ERC2: variants seen among roughly 807,000 people sequenced by gnomAD.
ERC2 encodes ERC protein 2.
A neutral mutation model predicts 114.8 loss-of-function variants in ERC2; 42 were observed. The observed-to-expected ratio is 0.37, with a 90% CI of 0.29 to 0.47. The LOEUF is 0.47. Ranked by LOEUF, ERC2 falls within the 20% of genes least tolerant of loss-of-function variation. ERC2 has a pLI of 0.99. For synonymous variants in ERC2, 454 were observed against 425.5 expected, an observed-to-expected ratio of 1.07 and a Z score of -0.82; for missense variants, 939 against 1,150.7, an observed-to-expected ratio of 0.82 and a Z score of 2.66.
chr3:55,835,423 T>C (rs62251594), intron 14 of ERC2, among the ~76,000 whole-genome samples: 27,138 of 152,018 alleles, frequency 0.18, 3,570 homozygotes, highest in African/African-American at 0.37. Flanking sequence ...TGGGCTTCAT[T>C]CCTGGGATGC....
At chr3:55,989,046 C>T (rs904167711) in intron 11 of ERC2, among the ~76,000 whole-genome samples, 1 of 152,200 alleles carries the variant, frequency 6.6e-6, no homozygotes, top group African/African-American at 2.4e-5. Context: ...GGGGCCTGGG[C>T]TGGGGCTGAA....
intron 15 of ERC2, among the ~76,000 whole-genome samples, chr3:55,709,866 G>A (rs919294241): frequency 1.3e-5 from 2 of 152,176 alleles, no homozygotes; most frequent in South Asian, 4.1e-4. Context: ...GAGGGAGAAC[G>A]AGACAGGGAG....
At chr3:56,340,542 ATGTGTGTGTGTGTGTG>A (rs10690369) in intron 2 of ERC2, among the ~76,000 whole-genome samples, 4 of 141,414 alleles carry the variant, frequency 2.8e-5, no homozygotes, top group Admixed American at 7.1e-5. Context: ...GAGAGAGTGA[ATGTGTGTGTGTGTGTG>A]TGTGTGTGTG....
At chr3:55,801,903 C>G (rs1020152034) in intron 14 of ERC2, among the ~76,000 whole-genome samples, 4 of 152,254 alleles carry the variant, frequency 2.6e-5, no homozygotes, top group Non-Finnish European at 5.9e-5. Flanking sequence ...ACTGGGAGCC[C>G]TGCTCCCAGA....
intron 2 of ERC2, among the ~76,000 whole-genome samples, chr3:56,349,231 C>T (rs1010057273): frequency 2.6e-5 from 4 of 152,096 alleles, no homozygotes; most frequent in African/African-American, 9.7e-5. Flanking sequence ...AAAATGGTGA[C>T]AACGAAATTA....
At chr3:56,356,894 A>G (rs371603391) in intron 2 of ERC2, among the ~76,000 whole-genome samples, 4 of 152,306 alleles carry the variant, frequency 2.6e-5, no homozygotes, top group Non-Finnish European at 5.9e-5. Context: ...TGATGAGCAA[A>G]CTGAGACTCT....
At chr3:55,959,980 T>C (rs1393903517) in intron 12 of ERC2, among the ~76,000 whole-genome samples, 1 of 152,094 alleles carries the variant, frequency 6.6e-6, no homozygotes, top group Non-Finnish European at 1.5e-5. Context: ...ACCTGGTGCC[T>C]CAAAGCCCTG....
chr3:56,234,211 C>A (rs2150184870), intron 3 of ERC2, among the ~76,000 whole-genome samples: 1 of 152,300 alleles, frequency 6.6e-6, no homozygotes, highest in East Asian at 1.9e-4. Context: ...AGAGTAGCAG[C>A]ATGAAATAAA....
At chr3:56,033,719 T>G (rs985880995) in intron 7 of ERC2, among the ~76,000 whole-genome samples, 2 of 152,218 alleles carry the variant, frequency 1.3e-5, no homozygotes, top group Admixed American at 1.3e-4. Flanking sequence ...ACAAGATTTC[T>G]CTCATGTAAG....
chr3:55,987,008 A>AAAAAC (rs1382844995), intron 11 of ERC2, among the ~76,000 whole-genome samples: 1 of 152,158 alleles, frequency 6.6e-6, no homozygotes, highest in Non-Finnish European at 1.5e-5. Flanking sequence ...CATGGGAAGG[A>AAAAAC]AAAACAAAAC....
At chr3:55,670,209 C>G (rs747629510) in intron 17 of ERC2, among the ~76,000 whole-genome samples, 2 of 152,142 alleles carry the variant, frequency 1.3e-5, no homozygotes, top group Non-Finnish European at 2.9e-5. Flanking sequence ...AGGGACAGAT[C>G]TGGAATGCAG....
intron 1 of ERC2, among the ~76,000 whole-genome samples, chr3:56,457,557 A>C (rs561973780): frequency 2.5e-4 from 38 of 152,134 alleles, no homozygotes; most frequent in African/African-American, 8.9e-4. Context: ...AGAGTCCTTG[A>C]TCGTATCCGT....
At chr3:55,608,261 A>G (rs368924081) in intron 17 of ERC2, among the ~76,000 whole-genome samples, 129 of 152,352 alleles carry the variant, frequency 8.5e-4, no homozygotes, top group African/African-American at 3.0e-3. Context: ...AAGCAGAGCA[A>G]GCGGCGTTTT....
intron 14 of ERC2, among the ~76,000 whole-genome samples, chr3:55,868,515 A>G (rs571817563): frequency 6.6e-6 from 1 of 152,254 alleles, no homozygotes; most frequent in African/African-American, 2.4e-5. Context: ...CTCTGGTAGC[A>G]GAAGCTGGCT....
chr3:56,160,979 A>G (rs1165829125), intron 4 of ERC2, among the ~76,000 whole-genome samples: 2 of 152,156 alleles, frequency 1.3e-5, no homozygotes, highest in Non-Finnish European at 2.9e-5. Flanking sequence ...TCCAAATCTT[A>G]TGTTGAAATA....
chr3:56,037,269 T>G (rs1417660802), intron 7 of ERC2, among the ~76,000 whole-genome samples: 1 of 152,188 alleles, frequency 6.6e-6, no homozygotes, highest in East Asian at 1.9e-4. Flanking sequence ...TAAAGGAGTA[T>G]GTTCTAACCC....
At chr3:56,034,183 TATATC>T (rs1246995310) in intron 7 of ERC2, among the ~76,000 whole-genome samples, 24 of 152,254 alleles carry the variant, frequency 1.6e-4, no homozygotes, top group African/African-American at 5.1e-4. Flanking sequence ...TGACTATACT[TATATC>T]AGACAAAAGA....
intron 13 of ERC2, among the ~76,000 whole-genome samples, chr3:55,892,864 T>A (rs79822190): frequency 0.015 from 2,340 of 152,222 alleles, 63 homozygotes; most frequent in African/African-American, 0.053. Flanking sequence ...AACTGATGCT[T>A]CTCTTAGTGT....
chr3:55,872,330 G>T (rs1253095936), intron 14 of ERC2, among the ~76,000 whole-genome samples: 1 of 152,110 alleles, frequency 6.6e-6, no homozygotes, highest in African/African-American at 2.4e-5. Context: ...TATCCGCATG[G>T]ATGCCAGGCT....
Sources: allele counts gnomAD v4.1 joint callset (sites outside exome capture counted in the v4.1 genomes callset), GRCh38; gene constraint gnomAD v4.1.1; transcripts MANE v1.5; gene names NCBI Gene and HGNC (gene_info 2026-07-23, HGNC 2026-07-21).